The following BSPRY variants were observed in gnomAD, a reference collection of about 807,000 sequenced individuals.
The protein encoded by BSPRY is B-box and SPRY domain containing.
Under a neutral mutation model 38.0 loss-of-function variants are expected in BSPRY, and 33 were observed. That is an observed-to-expected ratio of 0.87 (90% CI 0.66 to 1.16). The LOEUF (loss-of-function observed/expected upper bound fraction) is 1.16. BSPRY is among the 50% of genes most tolerant of loss of function. The probability of loss-of-function intolerance (pLI) is 0.00; values close to 1 mark genes in which losing one functional copy is unlikely to be tolerated. For missense variants in BSPRY, 523 were observed against 533.2 expected (o/e 0.98, Z 0.19); for synonymous variants, 224 against 228.5 (o/e 0.98, Z 0.18).
chr9:113,367,845 T>TA (rs1834275826), intron 4 of BSPRY, among the ~76,000 whole-genome samples: 1 of 151,750 alleles, frequency 6.6e-6, no homozygotes, highest in Non-Finnish European at 1.5e-5. Context: ...TTTTTTTTTT[T>TA]TTTGAGACAG....
chr9:113,355,046 G>A (rs746248425), intron 2 of BSPRY, among the ~76,000 whole-genome samples: 3 of 152,098 alleles, frequency 2.0e-5, no homozygotes. Context: ...TAGTAGAGAC[G>A]GGGTTTTACC....
chr9:113,368,216 C>T, intron 4 of BSPRY, 43 bp from the exon 5 acceptor site: 1 of 1,605,904 alleles, frequency 6.2e-7, no homozygotes, highest in Non-Finnish European at 8.5e-7. Flanking sequence ...GATATATTTC[C>T]AGAACCATCC....
Position 113,370,296 on chromosome 9 carries a change from A to G in BSPRY, c.*154A>G. The G allele has an allele frequency of 1.1e-6, 1 of 886,190 alleles. No individual in the cohort carries two copies. 54.9% of individuals were successfully genotyped at this position (886,190 alleles called of 1,614,324 possible). Reference sequence around the variant, plus strand: ...TTTAGGAGGGATGGGGATCTGTTTCAGATCTAGGCATAACCTGTAAATCAC... The same window carrying G: ...TTTAGGAGGGATGGGGATCTGTTTCGGATCTAGGCATAACCTGTAAATCAC... On this transcript the variant is annotated 3_prime_UTR_variant, in exon 6 of 6. Transcript: ENST00000374183. The surrounding 1 kb of genome is among the most constrained non-coding windows in gnomAD (Gnocchi z 4.8).
intron 1 of BSPRY, among the ~76,000 whole-genome samples, chr9:113,350,379 G>T (rs754645559): frequency 1.9e-4 from 29 of 152,188 alleles, no homozygotes; most frequent in Non-Finnish European, 3.4e-4. Context: ...GATTGGCCTT[G>T]ACTGTACTTC....
chr9:113,364,660 A>G (rs1221696976), intron 4 of BSPRY, among the ~76,000 whole-genome samples: 5 of 151,890 alleles, frequency 3.3e-5, no homozygotes, highest in African/African-American at 1.2e-4. Flanking sequence ...CTATTTATCT[A>G]TCTAGTATAT....
At chr9:113,364,947 G>GTT (rs144272713) in intron 4 of BSPRY, among the ~76,000 whole-genome samples, 114 of 134,542 alleles carry the variant, frequency 8.5e-4, no homozygotes, top group East Asian at 2.5e-3. Flanking sequence ...TCCTTAGCTT[G>GTT]TTTTTTTTTT....
At chr9:113,363,100 A>G (rs1834180896) in intron 4 of BSPRY, among the ~76,000 whole-genome samples, 1 of 152,220 alleles carries the variant, frequency 6.6e-6, no homozygotes, top group African/African-American at 2.4e-5. Flanking sequence ...TTCAATAGTA[A>G]TACATGTGCA....
In BSPRY at chr9:113,359,594, A is replaced by C. The variant is rs79180544; in HGVS notation, c.301-913A>C. On this transcript the variant is annotated intron_variant, in intron 2 of 5. Transcript: ENST00000374183. ...TACAAGTGCAGCTGCCTTATGCAAC[A>C]GGTGCCTTTGGGAAGGATTGGTTGC... 6.6e-3 allele frequency among the ~76,000 whole-genome samples: 1,002 copies of C among 152,342 alleles called. 69 individuals carry two copies. In the East Asian group the frequency reaches 0.17, roughly 26 times the overall value.
At chr9:113,354,590 G>A (rs1409535841) in intron 2 of BSPRY, among the ~76,000 whole-genome samples, 2 of 152,284 alleles carry the variant, frequency 1.3e-5, no homozygotes, top group East Asian at 1.9e-4. Context: ...AAGAAGGGTC[G>A]TATTCTTCTA....
chr9:113,349,607 C>A lies in BSPRY; in HGVS notation c.28C>A (p.Pro10Thr). 1 of 1,189,900 alleles carries A rather than the reference C, an allele frequency of 8.4e-7. No individual in the cohort carries two copies. The highest frequency in any genetic ancestry group is 1.0e-6 in the Non-Finnish European group (1 of 961,172). 73.7% of individuals were successfully genotyped at this position (1,189,900 alleles called of 1,614,324 possible). A position where few individuals can be genotyped will look rare whatever the true frequency, so the allele number is the denominator to read the frequency against. ...GTCCGCCGAGGGCGCGGAGCCGGGGCCGGGGTCCGGGTCCGGGCCCGGGCC... is the reference window on the plus strand; with the variant it reads ...GTCCGCCGAGGGCGCGGAGCCGGGGACGGGGTCCGGGTCCGGGCCCGGGCC... MSAEGAEPG[P>T]GSGSGPGPGP... The change falls in exon 1 of 6, where the codon CCG becomes ACG. Residue 10 changes from proline to threonine, a missense_variant. By Grantham distance (38) the Pro-to-Thr change is conservative. Coordinates refer to ENST00000374183, the MANE Select transcript of BSPRY (RefSeq NM_017688.3).
chr9:113,351,665 T>A (rs1012183787), intron 1 of BSPRY, among the ~76,000 whole-genome samples: 14 of 152,188 alleles, frequency 9.2e-5, no homozygotes, highest in African/African-American at 3.4e-4. Flanking sequence ...GACTGCTGCT[T>A]GGATAGGCTC....
Position 113,349,642 on chromosome 9 carries a change from C to G in BSPRY, c.63C>G (p.Leu21=). 8.2e-7 allele frequency: 1 copy of G among 1,224,258 alleles called. No homozygotes were observed. The highest frequency in any genetic ancestry group is 1.0e-6 in the Non-Finnish European group (1 of 981,742). The allele number at this position is 1,224,258 out of a possible 1,614,324, so 75.8% of individuals were successfully genotyped here. The change falls in exon 1 of 6, where the codon CTC becomes CTG. Residue 21 remains leucine, a synonymous_variant. Coordinates refer to ENST00000374183, the MANE Select transcript of BSPRY (RefSeq NM_017688.3). ...GGTCCGGGCCCGGGCCGGGGCCACTCTGCCCCGAACACGGCCAGGCTCTGA... is the reference window on the plus strand; with the variant it reads ...GGTCCGGGCCCGGGCCGGGGCCACTGTGCCCCGAACACGGCCAGGCTCTGA... ...GSGSGPGPGP[L]CPEHGQALSW...
In BSPRY at chr9:113,368,349, ACT is replaced by A. The variant is rs1564345839; in HGVS notation, c.651_652del (p.Trp218GlyfsTer18). 2 of 1,613,928 alleles carry A rather than the reference ACT, an allele frequency of 1.2e-6. No individual in the cohort carries two copies. The highest frequency in any genetic ancestry group is 2.7e-5 in the African/African-American group (2 of 74,960). Reference protein sequence around the residue: ...KCTRSPLLTQLWATAVLGSLS... With the variant: ...KCTRSPLLTQXWATAVLGSLS... Reference sequence around the variant, plus strand: ...GCACTCGGAGCCCACTACTGACCCAACTCTGGGCAACGGCGGTTCTTGGGTCT... The same window carrying A: ...GCACTCGGAGCCCACTACTGACCCAACTGGGCAACGGCGGTTCTTGGGTCT... On this transcript the variant is annotated frameshift_variant, in exon 5 of 6. Coordinates refer to ENST00000374183, the MANE Select transcript of BSPRY (RefSeq NM_017688.3). LOFTEE classifies it high-confidence loss of function.
intron 3 of BSPRY, 49 bp from the exon 4 acceptor site, chr9:113,362,320 C>T: frequency 6.2e-7 from 1 of 1,608,466 alleles, no homozygotes; most frequent in Non-Finnish European, 8.5e-7. Flanking sequence ...GCATTGACTC[C>T]CTGCTGGGTA....
intron 2 of BSPRY, among the ~76,000 whole-genome samples, chr9:113,355,037 A>G (rs1346707010): frequency 6.6e-6 from 1 of 152,122 alleles, no homozygotes; most frequent in Non-Finnish European, 1.5e-5. Context: ...GTAAATTTTT[A>G]GTAGAGACGG....
intron 1 of BSPRY, among the ~76,000 whole-genome samples, chr9:113,352,063 A>T (rs549085522): frequency 1.3e-5 from 2 of 152,200 alleles, no homozygotes; most frequent in South Asian, 4.1e-4. Context: ...CGCCCACCTC[A>T]GCCTCCCAAA....
rs1362297819 is a variant in BSPRY at position 113,369,683 on chromosome 9, G to A, written c.750G>A (p.Lys250=). 6.2e-7 allele frequency: 1 copy of A among 1,614,236 alleles called. No homozygotes were observed. The highest frequency in any genetic ancestry group is 8.5e-7 in the Non-Finnish European group (1 of 1,180,034). Residue 250 remains lysine (K), a synonymous_variant, in exon 6 of 6, where the codon AAG becomes AAA. Coordinates refer to ENST00000374183, the MANE Select transcript of BSPRY (RefSeq NM_017688.3). ...SPFLQLSDDR[K]TLTFSTKKSK... ...TCCTGCAATTGTCAGATGATCGAAAGACCCTGACCTTCAGCACCAAGAAGT... is the reference window on the plus strand; with the variant it reads ...TCCTGCAATTGTCAGATGATCGAAAAACCCTGACCTTCAGCACCAAGAAGT...
chr9:113,356,019 T>G (rs1834052140), intron 2 of BSPRY, among the ~76,000 whole-genome samples: 1 of 152,238 alleles, frequency 6.6e-6, no homozygotes, highest in African/African-American at 2.4e-5. Context: ...TGTTGTTCAA[T>G]GGGTTAGGCA....
Position 113,371,041 on chromosome 9 carries a change from GTGCCCACTGATAA to G in BSPRY, c.*901_*913del, listed in dbSNP as rs1834343537. ...GCCCCTGCTGGCTGAGCTCCAGCCT[GTGCCCACTGATAA>G]TAGCAGGGACGGCCTTTTCTCTTAG... On this transcript the variant is annotated 3_prime_UTR_variant, in exon 6 of 6. Transcript: ENST00000374183. 1.3e-5 allele frequency: 2 copies of G among 151,592 alleles called. No individual in the cohort carries two copies. The highest frequency in any genetic ancestry group is 6.6e-5 in the Admixed American group (1 of 15,196). 9.4% of individuals were successfully genotyped at this position (151,592 alleles called of 1,614,324 possible). A position where few individuals can be genotyped will look rare whatever the true frequency, so the allele number is the denominator to read the frequency against.
Sources: gnomAD v4.1 joint callset for allele counts (sites outside exome capture counted in the v4.1 genomes callset) on GRCh38, gnomAD v4.1.1 for gene constraint, Gnocchi (gnomAD v3.1) non-coding constraint, MANE v1.5 for transcripts, NCBI Gene and HGNC (gene_info 2026-07-23, HGNC 2026-07-21) for gene names.